CSMD1: variants seen among roughly 807,000 people sequenced by gnomAD.
CSMD1 encodes the protein CUB and Sushi multiple domains 1.
In CSMD1, 213 loss-of-function variants were observed where a neutral mutation model predicts 417.5. That is an observed-to-expected ratio of 0.51 (90% confidence interval 0.46 to 0.57). The LOEUF is 0.57. Among genes scored for constraint, CSMD1 ranks in the 20% least tolerant of loss-of-function variants. The probability of loss-of-function intolerance (pLI) is 0.00; values close to 1 mark genes in which losing one functional copy is unlikely to be tolerated. For synonymous variants in CSMD1, 2,862 were observed against 1,736.8 expected, an observed-to-expected ratio of 1.65 and a Z score of -16.11; for missense variants, 6,923 against 4,529.7, an observed-to-expected ratio of 1.53 and a Z score of -15.17.
intron 10 of CSMD1, among the ~76,000 whole-genome samples, chr8:3,538,903 C>T (rs1434380104): frequency 6.6e-6 from 1 of 152,208 alleles, no homozygotes; most frequent in African/African-American, 2.4e-5. Context: ...TTCACCTACA[C>T]ACCATGCTGC....
intron 3 of CSMD1, among the ~76,000 whole-genome samples, chr8:4,300,832 G>A (rs544988782): frequency 1.3e-5 from 2 of 152,032 alleles, no homozygotes; most frequent in East Asian, 3.9e-4. Context: ...ATGGTTTCCA[G>A]TTTCATCCAT....
chr8:3,909,017 G>A (rs1808286714), intron 5 of CSMD1, among the ~76,000 whole-genome samples: 3 of 152,300 alleles, frequency 2.0e-5, no homozygotes, highest in South Asian at 2.1e-4. Flanking sequence ...TAGGAGGCTT[G>A]CCTTTCTTTT....
intron 23 of CSMD1, among the ~76,000 whole-genome samples, chr8:3,340,386 G>A (rs1041990178): frequency 1.3e-5 from 2 of 151,906 alleles, no homozygotes; most frequent in South Asian, 4.2e-4. Flanking sequence ...AAAATGTTAG[G>A]GTTTTTTTTT....
At chr8:3,039,412 TCTCC>T (rs1406729337) in intron 50 of CSMD1, among the ~76,000 whole-genome samples, 3 of 133,724 alleles carry the variant, frequency 2.2e-5, no homozygotes, top group African/African-American at 3.2e-5. Context: ...TCCTTCCTTC[TCTCC>T]CTCCCTCCCT....
intron 56 of CSMD1, among the ~76,000 whole-genome samples, 178 bp downstream of exon 56, chr8:2,974,273 G>A (rs370619308): frequency 2.6e-5 from 4 of 152,228 alleles, no homozygotes; most frequent in Admixed American, 6.5e-5. Flanking sequence ...CGATTATTGC[G>A]AAGATGAAGA....
chr8:4,319,907 C>T (rs976812384), intron 3 of CSMD1, among the ~76,000 whole-genome samples: 9 of 151,992 alleles, frequency 5.9e-5, no homozygotes, highest in African/African-American at 1.2e-4. Flanking sequence ...AAAGATCCAC[C>T]GGAAAGCAGT....
rs151035618 is a variant in CSMD1 at position 3,980,841 on chromosome 8, C to G, written c.818+17062G>C. Among the ~76,000 whole-genome samples, 253 of 152,288 alleles carry G rather than the reference C, an allele frequency of 1.7e-3. 1 individual carries two copies. Among genetic ancestry groups the G allele is most frequent in the African/African-American group, 5.7e-3 (236 of 41,550 alleles). ...TAATGTCCCCACTCCCAGCAGTTGG[C>G]TACTTTGAAAATCCTTTCAAGTTGG... On this transcript the variant is annotated intron_variant, in intron 5 of 69. Transcript: ENST00000635120.
intron 3 of CSMD1, among the ~76,000 whole-genome samples, chr8:4,044,526 G>A (rs775576935): frequency 7.9e-5 from 12 of 152,214 alleles, no homozygotes; most frequent in Admixed American, 4.6e-4. Flanking sequence ...GTCAGGAGGA[G>A]CAGGACACTT....
chr8:3,222,875 G>A (rs1585702657), intron 28 of CSMD1, among the ~76,000 whole-genome samples: 1 of 152,120 alleles, frequency 6.6e-6, no homozygotes, highest in Non-Finnish European at 1.5e-5. Context: ...TCATCAGGAG[G>A]AGAAAGTGAG....
At position 3,549,752 on chromosome 8, in the gene CSMD1, T is replaced by C. The variant is rs530732451; in HGVS notation, c.1344+25193A>G. ...CACCAGCAAGAAGGCGATCCCCAGA[T>C]ACAGTTCCTTGACTTTGAGTTTTCA... On this transcript the variant is annotated intron_variant, in intron 10 of 69. Transcript: ENST00000635120. Among the ~76,000 whole-genome samples, 10 of 152,272 alleles carry C rather than the reference T, an allele frequency of 6.6e-5. No homozygotes were observed. The South Asian group carries it at 1.7e-3, about 25-fold the overall frequency.
intron 2 of CSMD1, among the ~76,000 whole-genome samples, chr8:4,602,340 A>T (rs1800634666): frequency 6.6e-6 from 1 of 152,196 alleles, no homozygotes; most frequent in Non-Finnish European, 1.5e-5. Context: ...CAAATAGCAG[A>T]TAAGGAAGCT....
At chr8:3,346,154 G>C (rs935544289) in intron 22 of CSMD1, among the ~76,000 whole-genome samples, 1 of 152,056 alleles carries the variant, frequency 6.6e-6, no homozygotes, top group African/African-American at 2.4e-5. Context: ...AAAATGTGTA[G>C]GTATTTTATA....
At chr8:4,305,934 A>G (rs149297558) in intron 3 of CSMD1, among the ~76,000 whole-genome samples, 3 of 152,268 alleles carry the variant, frequency 2.0e-5, no homozygotes, top group African/African-American at 7.2e-5. Context: ...CCTTTATTTA[A>G]TAAACTGTAT....
At chr8:4,166,830 T>C (rs1584944934) in intron 3 of CSMD1, among the ~76,000 whole-genome samples, 1 of 152,210 alleles carries the variant, frequency 6.6e-6, no homozygotes, top group Non-Finnish European at 1.5e-5. Flanking sequence ...ACACTACTTA[T>C]CTTTTTAAAA....
intron 3 of CSMD1, among the ~76,000 whole-genome samples, chr8:4,090,208 T>C (rs538585246): frequency 1.5e-3 from 228 of 152,334 alleles, no homozygotes; most frequent in African/African-American, 5.3e-3. Flanking sequence ...CATGATTGTC[T>C]TAAAAAGTAT....
chr8:3,267,863 G>A (rs1221186632), intron 26 of CSMD1, among the ~76,000 whole-genome samples: 1 of 152,104 alleles, frequency 6.6e-6, no homozygotes, highest in African/African-American at 2.4e-5. Flanking sequence ...ACCCTGGCAG[G>A]GCCATAGGGA....
At chr8:3,246,647 T>G (rs368977807) in intron 26 of CSMD1, among the ~76,000 whole-genome samples, 1 of 152,146 alleles carries the variant, frequency 6.6e-6, no homozygotes, top group Admixed American at 6.5e-5. Flanking sequence ...AATTTTTGAA[T>G]TTTTGAAAGA....
chr8:3,751,637 A>AT (rs1014145490), intron 6 of CSMD1, among the ~76,000 whole-genome samples: 4 of 151,064 alleles, frequency 2.6e-5, no homozygotes, highest in Admixed American at 6.6e-5. Context: ...TTAATTACAT[A>AT]TTTTTTTTAA....
intron 3 of CSMD1, among the ~76,000 whole-genome samples, chr8:4,159,746 G>A (rs886661672): frequency 1.8e-4 from 27 of 152,116 alleles, no homozygotes; most frequent in African/African-American, 5.1e-4. Flanking sequence ...CCGCCACCAC[G>A]CCCGGCTAAT....
Sources: allele counts gnomAD v4.1 joint callset (sites outside exome capture counted in the v4.1 genomes callset), GRCh38; gene constraint gnomAD v4.1.1; transcripts MANE v1.5; gene names NCBI Gene and HGNC (gene_info 2026-07-23, HGNC 2026-07-21).